Variants in CCSER1 observed in about 807,000 individuals in gnomAD.
CCSER1 encodes serine-rich coiled-coil domain-containing protein 1.
A neutral mutation model predicts 82.0 loss-of-function variants in CCSER1; 41 were observed. The ratio of observed to expected loss-of-function variants is 0.50; its 90% CI spans 0.39 to 0.65. The LOEUF is 0.65. Among genes scored for constraint, CCSER1 ranks in the 30% least tolerant of loss-of-function variants. The pLI is 0.00. For synonymous variants in CCSER1, 414 were observed against 383.9 expected (o/e 1.08, Z -0.92); for missense variants, 1,119 against 1,064.2 (o/e 1.05, Z -0.72).
chr4:91,499,810 A>T (rs1759110349), intron 10 of CCSER1, among the ~76,000 whole-genome samples: 1 of 151,962 alleles, frequency 6.6e-6, no homozygotes, highest in African/African-American at 2.4e-5. Context: ...TTGGTGGCTC[A>T]TTCATTTGTG....
Position 90,796,417 on chromosome 4 carries a change from TTAAA to T in CCSER1, c.2011-19344_2011-19341del, listed in dbSNP as rs768397384. Among the ~76,000 whole-genome samples the T allele has an allele frequency of 3.4e-3, 470 of 137,564 alleles. 3 individuals are homozygous for T. The highest frequency in any genetic ancestry group is 6.5e-3 in the African/African-American group (238 of 36,686). 90.2% of individuals were successfully genotyped at this position (137,564 alleles called of 152,430 possible). On this transcript the variant is annotated intron_variant, in intron 7 of 10. Coordinates refer to ENST00000509176, the MANE Select transcript of CCSER1 (RefSeq NM_001145065.2). ...TAGTGGTATATCTATTGTACTAAATTTAAAAAAAAAAAAAAAAACAGCTCTTGGA... is the reference window on the plus strand; with the variant it reads ...TAGTGGTATATCTATTGTACTAAATTAAAAAAAAAAAAAACAGCTCTTGGA...
At chr4:90,560,610 G>A (rs1778653512) in intron 5 of CCSER1, among the ~76,000 whole-genome samples, 1 of 151,926 alleles carries the variant, frequency 6.6e-6, no homozygotes, top group African/African-American at 2.4e-5. Context: ...GCACTTTGTT[G>A]GGATTTTAAT....
At chr4:90,546,651 T>G (rs1663033244) in intron 5 of CCSER1, among the ~76,000 whole-genome samples, 1 of 152,070 alleles carries the variant, frequency 6.6e-6, no homozygotes, top group Non-Finnish European at 1.5e-5. Context: ...AGAAAATGAG[T>G]GACTTTTAAT....
At chr4:90,294,189 TA>T (rs1278920765) in intron 1 of CCSER1, among the ~76,000 whole-genome samples, 1 of 152,024 alleles carries the variant, frequency 6.6e-6, no homozygotes, top group Non-Finnish European at 1.5e-5. Context: ...ATATAAAGTA[TA>T]AATTTTACTA....
intron 10 of CCSER1, among the ~76,000 whole-genome samples, chr4:91,551,985 T>C (rs1235097920): frequency 2.0e-5 from 3 of 151,756 alleles, no homozygotes; most frequent in Non-Finnish European, 4.4e-5. Context: ...TTTTGACAAA[T>C]TTCAATGTAG....
At chr4:90,373,864 T>C (rs776755607) in intron 3 of CCSER1, among the ~76,000 whole-genome samples, 4 of 152,212 alleles carry the variant, frequency 2.6e-5, no homozygotes, top group Non-Finnish European at 5.9e-5. Flanking sequence ...TATTTGAGTT[T>C]ATAAACTCAT....
intron 9 of CCSER1, among the ~76,000 whole-genome samples, chr4:91,048,983 A>C (rs913757832): frequency 4.6e-5 from 7 of 152,164 alleles, no homozygotes; most frequent in Admixed American, 4.6e-4. Context: ...ATTAAACTAA[A>C]GTCTGGGATA....
At chr4:91,082,083 C>G (rs889777359) in intron 9 of CCSER1, among the ~76,000 whole-genome samples, 1 of 152,134 alleles carries the variant, frequency 6.6e-6, no homozygotes, top group African/African-American at 2.4e-5. Flanking sequence ...TCATACGGAA[C>G]CACAAAAGAG....
intron 1 of CCSER1, among the ~76,000 whole-genome samples, chr4:90,163,081 A>C (rs1482157759): frequency 6.6e-6 from 1 of 152,086 alleles, no homozygotes; most frequent in Non-Finnish European, 1.5e-5. Flanking sequence ...ATTATTTTCA[A>C]CTTTTTTGTC....
At chr4:90,406,761 G>A (rs1174779079) in intron 4 of CCSER1, among the ~76,000 whole-genome samples, 1 of 152,036 alleles carries the variant, frequency 6.6e-6, no homozygotes, top group Non-Finnish European at 1.5e-5. Context: ...ATGATCATTG[G>A]GTGACTAATA....
chr4:90,804,909 T>C (rs1757309075), intron 7 of CCSER1, among the ~76,000 whole-genome samples: 1 of 152,162 alleles, frequency 6.6e-6, no homozygotes, highest in African/African-American at 2.4e-5. Flanking sequence ...GTAGGTTATA[T>C]CATAAGAACA....
At chr4:90,228,637 C>T (rs1434813501) in intron 1 of CCSER1, among the ~76,000 whole-genome samples, 2 of 152,174 alleles carry the variant, frequency 1.3e-5, no homozygotes, top group Non-Finnish European at 2.9e-5. Flanking sequence ...CTTTGACGAG[C>T]TGAGAGAAGA....
chr4:90,304,558 C>G (rs1322588858), intron 1 of CCSER1, among the ~76,000 whole-genome samples: 1 of 151,960 alleles, frequency 6.6e-6, no homozygotes, highest in Non-Finnish European at 1.5e-5. Context: ...ACAAAAAACC[C>G]AACACTGCAT....
Position 90,468,271 on chromosome 4 carries a change from T to C in CCSER1, c.1641T>C (p.Cys547=), listed in dbSNP as rs1203850074. Reference sequence around the variant, plus strand: ...ACTCATATCACTCTGTCGTCTCATGTGCCGCAGTAGTTCTTACTCCTATGG... The same window carrying C: ...ACTCATATCACTCTGTCGTCTCATGCGCCGCAGTAGTTCTTACTCCTATGG... ...REDSYHSVVS[C]AAVVLTPMEP... The change falls in exon 5 of 11, where the codon TGT becomes TGC. Residue 547 remains cysteine, a synonymous_variant. Transcript: ENST00000509176. 3 of 1,608,804 alleles carry C rather than the reference T, an allele frequency of 1.9e-6. No individual in the cohort carries two copies. The South Asian group carries it at 3.3e-5, about 18-fold the overall frequency.
rs1166749823 is a variant in CCSER1, at chr4:91,497,162, T to C, written c.2218-101410T>C. ...TACTCACTATTTGTGCTTGATCAAG[T>C]TTCTTAACCCCTTTGAGGCCTTAGG... On this transcript the variant is annotated intron_variant, in intron 10 of 10. Transcript: ENST00000509176. Among the ~76,000 whole-genome samples, 3 of 151,428 alleles carry C rather than the reference T, an allele frequency of 2.0e-5. No individual in the cohort carries two copies. In the East Asian group the frequency reaches 5.8e-4, roughly 29 times the overall value.
At chr4:91,055,551 T>G (rs2148720278) in intron 9 of CCSER1, among the ~76,000 whole-genome samples, 1 of 152,194 alleles carries the variant, frequency 6.6e-6, no homozygotes, top group Non-Finnish European at 1.5e-5. Flanking sequence ...CCAAATTGTG[T>G]CTCTGTTTAT....
chr4:90,804,360 T>A (rs1757230938), intron 7 of CCSER1, among the ~76,000 whole-genome samples: 1 of 152,020 alleles, frequency 6.6e-6, no homozygotes, highest in Admixed American at 6.6e-5. Context: ...TACGTTTAAG[T>A]CTTTGATACA....
intron 5 of CCSER1, among the ~76,000 whole-genome samples, chr4:90,500,079 A>C (rs1354528753): frequency 6.6e-6 from 1 of 152,074 alleles, no homozygotes; most frequent in Non-Finnish European, 1.5e-5. Flanking sequence ...GGCTTTCTTC[A>C]GAGTTTGTAA....
At chr4:91,246,827 T>TACACAC (rs34278711) in intron 10 of CCSER1, among the ~76,000 whole-genome samples, 19,388 of 144,034 alleles carry the variant, frequency 0.13, 1,278 homozygotes, top group South Asian at 0.18. Flanking sequence ...CATACACACA[T>TACACAC]ACACACACAC....
Sources: allele counts gnomAD v4.1 joint callset (sites outside exome capture counted in the v4.1 genomes callset), GRCh38; gene constraint gnomAD v4.1.1; transcripts MANE v1.5; gene names NCBI Gene and HGNC (gene_info 2026-07-23, HGNC 2026-07-21).